FILIP1L: variants seen among roughly 807,000 people sequenced by gnomAD.
FILIP1L encodes the protein filamin A-interacting protein 1-like.
A neutral mutation model predicts 96.6 loss-of-function variants in FILIP1L; 55 were observed. The ratio of observed to expected loss-of-function variants is 0.57; its 90% CI spans 0.46 to 0.71. The LOEUF (loss-of-function observed/expected upper bound fraction) is 0.71, where lower values mean the gene tolerates loss of function less well. Ranked by LOEUF, FILIP1L falls within the 30% of genes least tolerant of loss-of-function variation. FILIP1L has a pLI of 0.00. For missense variants in FILIP1L, 1,304 were observed against 1,321.2 expected (o/e 0.99, Z 0.20); for synonymous variants, 467 against 473.9 (o/e 0.99, Z 0.19).
chr3:100,009,656 A>C (rs1710087253), intron 1 of FILIP1L, among the ~76,000 whole-genome samples: 1 of 152,222 alleles, frequency 6.6e-6, no homozygotes, highest in South Asian at 2.1e-4. Context: ...TCTAAGTGTT[A>C]AGGGGAAAGA....
chr3:99,921,184 A>G (rs1707112993), intron 4 of FILIP1L, among the ~76,000 whole-genome samples: 1 of 152,180 alleles, frequency 6.6e-6, no homozygotes, highest in Non-Finnish European at 1.5e-5. Context: ...GTGAAGTTGG[A>G]AGGACTCAGT....
At chr3:99,927,383 T>C (rs1273305685) in intron 3 of FILIP1L, among the ~76,000 whole-genome samples, 1 of 151,858 alleles carries the variant, frequency 6.6e-6, no homozygotes, top group Non-Finnish European at 1.5e-5. Flanking sequence ...TTTTTTTTTT[T>C]TTTGAGACGG....
At chr3:99,984,653 C>T (rs1387338811) in intron 1 of FILIP1L, among the ~76,000 whole-genome samples, 1 of 152,130 alleles carries the variant, frequency 6.6e-6, no homozygotes, top group Non-Finnish European at 1.5e-5. Flanking sequence ...GCCAAATCTA[C>T]CAAGCCTCCT....
intron 4 of FILIP1L, among the ~76,000 whole-genome samples, chr3:99,901,419 CA>C (rs1331350916): frequency 1.3e-5 from 2 of 152,140 alleles, no homozygotes; most frequent in African/African-American, 4.8e-5. Context: ...CATGTCAAAA[CA>C]ATGCACTTTT....
In FILIP1L at chr3:99,849,770, T is replaced by G; in HGVS notation, c.1906A>C (p.Lys636Gln). 6.2e-7 allele frequency: 1 copy of G among 1,613,814 alleles called. No homozygotes were observed. Among genetic ancestry groups the G allele is most frequent in the Non-Finnish European group, 8.5e-7 (1 of 1,180,014 alleles). Reference protein sequence around the residue: ...KELSQEVERLKLKLKDMKAIE... With the variant: ...KELSQEVERLQLKLKDMKAIE... ...GCTTTCATGTCCTTTAGCTTCAGTTTCAGTCTTTCCACTTCTTGAGAGAGC... is the reference window on the plus strand; with the variant it reads ...GCTTTCATGTCCTTTAGCTTCAGTTGCAGTCTTTCCACTTCTTGAGAGAGC... Residue 636 changes from lysine (K) to glutamine (Q), a missense_variant, in exon 5 of 6, where the codon AAA becomes CAA. By Grantham distance (53) the Lys-to-Gln change is moderately conservative. Transcript: ENST00000477258.
chr3:99,917,435 A>T (rs1254814847), intron 4 of FILIP1L, among the ~76,000 whole-genome samples: 1 of 152,224 alleles, frequency 6.6e-6, no homozygotes, highest in African/African-American at 2.4e-5. Flanking sequence ...CTAGAATATC[A>T]TCAAATATAT....
At chr3:99,976,576 G>T (rs1055402996) in intron 1 of FILIP1L, among the ~76,000 whole-genome samples, 2 of 152,006 alleles carry the variant, frequency 1.3e-5, no homozygotes, top group Non-Finnish European at 2.9e-5. Context: ...TTTTCTCGTG[G>T]CTTGCATGAT....
intron 2 of FILIP1L, among the ~76,000 whole-genome samples, chr3:99,930,437 G>A (rs565029019): frequency 6.6e-6 from 1 of 152,244 alleles, no homozygotes; most frequent in Non-Finnish European, 1.5e-5. Context: ...GGGTACAAAA[G>A]CACCTATTGT....
intron 1 of FILIP1L, among the ~76,000 whole-genome samples, chr3:100,082,020 CA>C (rs2065939914): frequency 1.3e-5 from 2 of 152,140 alleles, no homozygotes; most frequent in Admixed American, 1.3e-4. Flanking sequence ...AAAACTGTTC[CA>C]GTATCTTATG....
chr3:99,840,907 G>A (rs1943103836), intron 5 of FILIP1L, among the ~76,000 whole-genome samples: 1 of 152,132 alleles, frequency 6.6e-6, no homozygotes, highest in Admixed American at 6.5e-5. Context: ...ATCTACTGTG[G>A]TCTTCCTTAA....
At position 99,910,487 on chromosome 3, in the gene FILIP1L, T is replaced by G; in HGVS notation, c.605+13743A>C. Among the ~76,000 whole-genome samples the G allele has an allele frequency of 1.5e-5, 2 of 136,688 alleles. 1 individual carries two copies. Among genetic ancestry groups the G allele is most frequent in the Non-Finnish European group, 3.3e-5 (2 of 59,766 alleles). 89.7% of individuals were successfully genotyped at this position (136,688 alleles called of 152,430 possible). A position where few individuals can be genotyped will look rare whatever the true frequency, so the allele number is the denominator to read the frequency against. ...AGAGCTTTTAAAGTAAACAAACACATGTCTTCACAGTTGTTAGGTGCTAGG... is the reference window on the plus strand; with the variant it reads ...AGAGCTTTTAAAGTAAACAAACACAGGTCTTCACAGTTGTTAGGTGCTAGG... On this transcript the variant is annotated intron_variant, in intron 4 of 5. Coordinates refer to ENST00000477258, the MANE Select transcript of FILIP1L (RefSeq NM_001387850.1).
intron 4 of FILIP1L, among the ~76,000 whole-genome samples, chr3:99,864,590 G>A (rs1944419255): frequency 6.6e-6 from 1 of 152,108 alleles, no homozygotes; most frequent in Non-Finnish European, 1.5e-5. Flanking sequence ...GACCTCAGAA[G>A]AGTTTCCTCT....
chr3:100,037,427 CA>C (rs1278300230), intron 1 of FILIP1L, among the ~76,000 whole-genome samples: 1 of 151,844 alleles, frequency 6.6e-6, no homozygotes, highest in Admixed American at 6.6e-5. Context: ...TAAAATTTAA[CA>C]AAAGATTAAA....
At chr3:99,928,639 T>A (rs1292133676) in intron 3 of FILIP1L, among the ~76,000 whole-genome samples, 1 of 152,252 alleles carries the variant, frequency 6.6e-6, no homozygotes, top group African/African-American at 2.4e-5. Context: ...TTTGGAATCA[T>A]CCTGTTCCAT....
intron 4 of FILIP1L, among the ~76,000 whole-genome samples, chr3:99,859,442 G>A (rs919440786): frequency 1.3e-5 from 2 of 152,120 alleles, no homozygotes; most frequent in African/African-American, 4.8e-5. Context: ...ACTTCATTTT[G>A]ATGGGCTTAA....
At chr3:99,896,824 A>C (rs1224649347) in intron 4 of FILIP1L, among the ~76,000 whole-genome samples, 1 of 152,232 alleles carries the variant, frequency 6.6e-6, no homozygotes, top group Non-Finnish European at 1.5e-5. Flanking sequence ...TTGCCTACTA[A>C]TAAATTGAAA....
At chr3:100,084,937 C>A (rs1286233282) in intron 1 of FILIP1L, among the ~76,000 whole-genome samples, 3 of 152,158 alleles carry the variant, frequency 2.0e-5, no homozygotes, top group African/African-American at 7.2e-5. Context: ...GTAATGAATC[C>A]AAAAATTATC....
intron 1 of FILIP1L, among the ~76,000 whole-genome samples, chr3:100,013,827 T>A (rs1710236927): frequency 6.6e-6 from 1 of 152,184 alleles, no homozygotes; most frequent in African/African-American, 2.4e-5. Context: ...GTGAGAAAAT[T>A]TAAAATCTGC....
chr3:99,901,869 A>G (rs1426082398), intron 4 of FILIP1L, among the ~76,000 whole-genome samples: 1 of 152,056 alleles, frequency 6.6e-6, no homozygotes, highest in Non-Finnish European at 1.5e-5. Flanking sequence ...TTTTTTTGTG[A>G]GTGGTACCAC....
Sources: allele counts gnomAD v4.1 joint callset (sites outside exome capture counted in the v4.1 genomes callset), GRCh38; gene constraint gnomAD v4.1.1; transcripts MANE v1.5; gene names NCBI Gene and HGNC (gene_info 2026-07-23, HGNC 2026-07-21).